PPP3CC: variants seen among roughly 807,000 people sequenced by gnomAD.
PPP3CC encodes protein phosphatase 3 catalytic subunit gamma.
Under a neutral mutation model 60.3 loss-of-function variants are expected in PPP3CC, and 35 were observed. That is an observed-to-expected ratio of 0.58 (90% confidence interval 0.44 to 0.77). PPP3CC has a LOEUF of 0.77. Among genes scored for constraint, PPP3CC ranks in the 30% least tolerant of loss-of-function variants. PPP3CC has a pLI of 0.00. For missense variants in PPP3CC, 570 were observed against 628.9 expected, an observed-to-expected ratio of 0.91 and a Z score of 1.00; for synonymous variants, 206 against 224.3, an observed-to-expected ratio of 0.92 and a Z score of 0.73.
At chr8:22,480,991 A>G (rs1175616044) in intron 3 of PPP3CC, among the ~76,000 whole-genome samples, 4 of 152,366 alleles carry the variant, frequency 2.6e-5, no homozygotes, top group Admixed American at 2.6e-4. Flanking sequence ...AAAGATGTCA[A>G]AAGGCTCAGA....
chr8:22,490,062 A>C (rs1462437424), intron 3 of PPP3CC, among the ~76,000 whole-genome samples: 1 of 151,866 alleles, frequency 6.6e-6, no homozygotes. Context: ...TGACCTCGTG[A>C]TCTACCCACC....
intron 10 of PPP3CC, among the ~76,000 whole-genome samples, chr8:22,530,811 A>C (rs896558901): frequency 7.8e-6 from 1 of 128,632 alleles, no homozygotes; most frequent in African/African-American, 3.0e-5. Flanking sequence ...CAGCCTGGCG[A>C]CAGAGCGAGA....
intron 6 of PPP3CC, among the ~76,000 whole-genome samples, chr8:22,516,515 C>T (rs1322589321): frequency 1.3e-5 from 2 of 152,056 alleles, no homozygotes; most frequent in African/African-American, 4.8e-5. Context: ...TTTGTGAATT[C>T]CCCCACTTAC....
intron 4 of PPP3CC, among the ~76,000 whole-genome samples, chr8:22,502,964 C>A (rs1586840524): frequency 6.6e-6 from 1 of 152,088 alleles, no homozygotes; most frequent in East Asian, 1.9e-4. Flanking sequence ...CCAGCCTTAG[C>A]CTCCTAAATA....
At chr8:22,454,706 A>G (rs1837140377) in intron 1 of PPP3CC, among the ~76,000 whole-genome samples, 1 of 152,184 alleles carries the variant, frequency 6.6e-6, no homozygotes. Context: ...TGTCATATAT[A>G]TATAGTCTTG....
At chr8:22,477,156 T>G (rs7827118) in intron 3 of PPP3CC, among the ~76,000 whole-genome samples, 85,669 of 151,932 alleles carry the variant, frequency 0.56, 25,490 homozygotes, top group African/African-American at 0.76. Context: ...CTCATATCAT[T>G]CATGTTTCAG....
intron 3 of PPP3CC, among the ~76,000 whole-genome samples, chr8:22,479,013 C>T (rs1307807100): frequency 6.6e-6 from 1 of 152,008 alleles, no homozygotes; most frequent in East Asian, 1.9e-4. Context: ...AGTGTTAAAA[C>T]CAAAGTATGA....
intron 1 of PPP3CC, among the ~76,000 whole-genome samples, chr8:22,445,889 A>G (rs1586776921): frequency 6.6e-6 from 1 of 152,352 alleles, no homozygotes; most frequent in East Asian, 1.9e-4. Context: ...ATCGAGATTC[A>G]TACATCTGAG....
At chr8:22,457,718 T>G (rs1837246747) in intron 1 of PPP3CC, among the ~76,000 whole-genome samples, 1 of 152,274 alleles carries the variant, frequency 6.6e-6, no homozygotes, top group African/African-American at 2.4e-5. Flanking sequence ...TGCTTAACTA[T>G]TCTGTGTTTA....
At chr8:22,442,854 T>A (rs2132417207) in intron 1 of PPP3CC, among the ~76,000 whole-genome samples, 1 of 152,354 alleles carries the variant, frequency 6.6e-6, no homozygotes, top group South Asian at 2.1e-4. Context: ...CTGTATAAAG[T>A]TGTTAGCAGT....
intron 1 of PPP3CC, among the ~76,000 whole-genome samples, chr8:22,465,300 C>G (rs997326808): frequency 6.6e-6 from 1 of 152,038 alleles, no homozygotes; most frequent in African/African-American, 2.4e-5. Flanking sequence ...CAGGTCACTG[C>G]TATGCTTTAA....
intron 1 of PPP3CC, among the ~76,000 whole-genome samples, chr8:22,460,914 C>T (rs897110338): frequency 6.6e-6 from 1 of 151,454 alleles, no homozygotes; most frequent in African/African-American, 2.4e-5. Flanking sequence ...GGTGTGATCT[C>T]GGCTCACTGC....
intron 1 of PPP3CC, among the ~76,000 whole-genome samples, chr8:22,458,005 C>T (rs932054848): frequency 1.3e-5 from 2 of 152,002 alleles, no homozygotes; most frequent in Non-Finnish European, 2.9e-5. Flanking sequence ...GCAGGAGAAC[C>T]GCTTGAACCT....
At chr8:22,451,870 A>ATCTCATT (rs1298240436) in intron 1 of PPP3CC, among the ~76,000 whole-genome samples, 1 of 152,228 alleles carries the variant, frequency 6.6e-6, no homozygotes, top group Non-Finnish European at 1.5e-5. Flanking sequence ...TTCCCAACAC[A>ATCTCATT]TCTCATTATG....
chr8:22,527,593 T>C lies in PPP3CC; in HGVS notation c.1069+76T>C, dbSNP rs890663858. 73 of 1,497,824 alleles carry C rather than the reference T, an allele frequency of 4.9e-5. No homozygotes were observed. In the Admixed American group the frequency reaches 1.5e-3, roughly 30 times the overall value. 92.8% of individuals were successfully genotyped at this position (1,497,824 alleles called of 1,614,324 possible). On this transcript the variant is annotated intron_variant, in intron 9 of 13. Coordinates refer to ENST00000240139, the MANE Select transcript of PPP3CC (RefSeq NM_005605.5). Reference sequence around the variant, plus strand: ...CCTTATATTTGCATGAGCCCCTCCATGATTCAGAAATGTTTTCTAATTTTG... The same window carrying C: ...CCTTATATTTGCATGAGCCCCTCCACGATTCAGAAATGTTTTCTAATTTTG...
At chr8:22,470,556 C>A (rs573795666) in intron 1 of PPP3CC, among the ~76,000 whole-genome samples, 1 of 152,048 alleles carries the variant, frequency 6.6e-6, no homozygotes, top group African/African-American at 2.4e-5. Flanking sequence ...CAAGAACTTT[C>A]GTCAGTCAAT....
At chr8:22,538,158 AC>A (rs1317232606) in intron 12 of PPP3CC, among the ~76,000 whole-genome samples, 1 of 152,190 alleles carries the variant, frequency 6.6e-6, no homozygotes, top group African/African-American at 2.4e-5. Context: ...CTATCTTTAT[AC>A]CCAATGTGAA....
chr8:22,477,413 G>A (rs1837923394), intron 3 of PPP3CC, among the ~76,000 whole-genome samples: 1 of 151,712 alleles, frequency 6.6e-6, no homozygotes, highest in Non-Finnish European at 1.5e-5. Flanking sequence ...GGAGGCAGAG[G>A]TTGCAGTGGG....
chr8:22,492,880 A>G, intron 3 of PPP3CC: 1 of 1,104,256 alleles, frequency 9.1e-7, no homozygotes. Context: ...ATTACAGGCC[A>G]TGCTGAGACA....
Sources: gnomAD v4.1 joint callset for allele counts (sites outside exome capture counted in the v4.1 genomes callset) on GRCh38, gnomAD v4.1.1 for gene constraint, MANE v1.5 for transcripts, NCBI Gene and HGNC (gene_info 2026-07-23, HGNC 2026-07-21) for gene names.